The following FOCAD variants were observed in gnomAD, a reference collection of about 807,000 sequenced individuals.
FOCAD encodes the protein KIAA1797.
FOCAD carries 198 observed loss-of-function variants against 225.6 expected under a neutral mutation model. The ratio of observed to expected loss-of-function variants is 0.88; its 90% confidence interval spans 0.78 to 0.99. The LOEUF is 0.99. Among genes scored for constraint, FOCAD ranks in the 50% least tolerant of loss-of-function variants. FOCAD has a pLI of 0.00. For synonymous variants in FOCAD, 897 were observed against 755.0 expected, an observed-to-expected ratio of 1.19 and a Z score of -3.08; for missense variants, 2,713 against 2,123.6, an observed-to-expected ratio of 1.28 and a Z score of -5.46.
At chr9:20,738,403 C>T (rs967101419) in intron 4 of FOCAD, among the ~76,000 whole-genome samples, 1 of 152,210 alleles carries the variant, frequency 6.6e-6, no homozygotes, top group Non-Finnish European at 1.5e-5. Flanking sequence ...AGAATTGACA[C>T]AGTACCAATG....
intron 2 of FOCAD, among the ~76,000 whole-genome samples, chr9:20,673,567 A>G (rs1280087283): frequency 6.6e-6 from 1 of 152,062 alleles, no homozygotes; most frequent in African/African-American, 2.4e-5. Context: ...AGAAATATCT[A>G]TACATTTTTA....
intron 2 of FOCAD, among the ~76,000 whole-genome samples, chr9:20,675,162 G>A (rs1822196285): frequency 6.6e-6 from 1 of 152,172 alleles, no homozygotes; most frequent in Non-Finnish European, 1.5e-5. Flanking sequence ...TTGCTGTAAG[G>A]AAGTCTGGGA....
chr9:20,659,804 G>A (rs1201404802), intron 2 of FOCAD, among the ~76,000 whole-genome samples: 1 of 152,230 alleles, frequency 6.6e-6, no homozygotes, highest in Non-Finnish European at 1.5e-5. Flanking sequence ...GTGAGATGCA[G>A]GTGGGCAGAT....
At chr9:20,987,336 T>C (rs531882655) in intron 40 of FOCAD, among the ~76,000 whole-genome samples, 1 of 152,222 alleles carries the variant, frequency 6.6e-6, no homozygotes, top group South Asian at 2.1e-4. Context: ...GGTGAAACCC[T>C]GTCTCTACTA....
At chr9:20,740,441 C>A in intron 5 of FOCAD, 101 bp downstream of exon 5, 1 of 659,782 alleles carries the variant, frequency 1.5e-6, no homozygotes, top group Non-Finnish European at 2.6e-6. Flanking sequence ...TTTAATTCAG[C>A]AGGATATGCA....
intron 5 of FOCAD, among the ~76,000 whole-genome samples, chr9:20,744,395 T>A (rs996730706): frequency 6.6e-6 from 1 of 152,248 alleles, no homozygotes; most frequent in Non-Finnish European, 1.5e-5. Context: ...TGGACCCTCC[T>A]TTCTAAGCAG....
At chr9:20,974,466 G>A (rs60991162) in intron 35 of FOCAD, among the ~76,000 whole-genome samples, 2 of 93,960 alleles carry the variant, frequency 2.1e-5, no homozygotes, top group Non-Finnish European at 2.1e-5. Context: ...TGCTGTCTCT[G>A]CCCTACTTCC....
chr9:20,695,060 A>AAGTG, intron 1 of FOCAD, among the ~76,000 whole-genome samples: 1 of 152,294 alleles, frequency 6.6e-6, no homozygotes, highest in Admixed American at 6.5e-5. Flanking sequence ...TTGTCCTGTA[A>AAGTG]AGTGTCCCAG....
intron 11 of FOCAD, among the ~76,000 whole-genome samples, chr9:20,795,914 A>G (rs1277452899): frequency 2.0e-5 from 3 of 151,726 alleles, no homozygotes; most frequent in African/African-American, 7.3e-5. Context: ...GCTGTCCCCA[A>G]TAACGCGTCA....
chr9:20,795,577 A>T (rs1167352470), intron 11 of FOCAD, among the ~76,000 whole-genome samples: 1 of 151,916 alleles, frequency 6.6e-6, no homozygotes, highest in Non-Finnish European at 1.5e-5. Context: ...CGAGGTCAGG[A>T]GATTGAGACC....
At chr9:20,935,069 C>A (rs999685250) in intron 28 of FOCAD, among the ~76,000 whole-genome samples, 5 of 152,118 alleles carry the variant, frequency 3.3e-5, no homozygotes, top group Non-Finnish European at 4.4e-5. Context: ...ACATTCAGTG[C>A]AGTTCTCATC....
At chr9:20,869,024 A>T (rs369599174) in intron 18 of FOCAD, among the ~76,000 whole-genome samples, 2 of 152,220 alleles carry the variant, frequency 1.3e-5, no homozygotes, top group African/African-American at 4.8e-5. Context: ...GTTCCCAAAC[A>T]TACAGCCTGG....
Position 20,707,489 on chromosome 9 carries a change from T to C in FOCAD, c.-32-7833T>C, listed in dbSNP as rs79298789. Among the ~76,000 whole-genome samples, 80 of 152,296 alleles carry C rather than the reference T, an allele frequency of 5.3e-4. No homozygotes were observed. In the East Asian group the frequency reaches 0.015, roughly 28 times the overall value. ...TGTAACTTTTTACTCCCCAAGAACTTAACTACCAATAGTCTTATGGATATT... is the reference window on the plus strand; with the variant it reads ...TGTAACTTTTTACTCCCCAAGAACTCAACTACCAATAGTCTTATGGATATT... On this transcript the variant is annotated intron_variant, in intron 1 of 43. Coordinates refer to ENST00000338382, the MANE Select transcript of FOCAD (RefSeq NM_001375567.1).
chr9:20,786,385 TC>T, intron 10 of FOCAD, among the ~76,000 whole-genome samples: 1 of 152,222 alleles, frequency 6.6e-6, no homozygotes, highest in East Asian at 1.9e-4. Flanking sequence ...TTGTGTGTTA[TC>T]TCTTGGTTAT....
Position 20,760,810 on chromosome 9 carries a change from A to T in FOCAD, c.494+2619A>T, listed in dbSNP as rs80054717. 1.9e-3 allele frequency among the ~76,000 whole-genome samples: 293 copies of T among 152,242 alleles called. 4 individuals are homozygous for T. The East Asian group carries it at 0.043, about 22-fold the overall frequency. On this transcript the variant is annotated intron_variant, in intron 6 of 43. Coordinates refer to ENST00000338382, the MANE Select transcript of FOCAD (RefSeq NM_001375567.1). ...CTTGGCACATTTCTAGGTGCTTTAT[A>T]AATGTTGAATTTCTTTAAATGAGGT...
intron 10 of FOCAD, among the ~76,000 whole-genome samples, chr9:20,788,573 C>G (rs935982786): frequency 2.0e-5 from 3 of 152,202 alleles, no homozygotes; most frequent in South Asian, 2.1e-4. Context: ...ATTAACCAGA[C>G]AGTTATAATC....
chr9:20,939,741 TA>T (rs201487782), intron 28 of FOCAD, among the ~76,000 whole-genome samples: 2 of 151,498 alleles, frequency 1.3e-5, no homozygotes, highest in Admixed American at 6.6e-5. Flanking sequence ...AAATTTATTT[TA>T]TTTTTTTTCT....
intron 16 of FOCAD, chr9:20,862,933 T>A (rs1323292931): frequency 5.6e-6 from 2 of 357,526 alleles, no homozygotes; most frequent in Non-Finnish European, 9.9e-6. Flanking sequence ...ATGAGAGTAT[T>A]GTCAAGATTT....
In FOCAD at chr9:20,909,213, T is replaced by C. The variant is rs192933461; in HGVS notation, c.2718+1971T>C. On this transcript the variant is annotated intron_variant, in intron 22 of 43. Coordinates refer to ENST00000338382, the MANE Select transcript of FOCAD (RefSeq NM_001375567.1). ...TAGTGTGTGTCCAGTACTTAACATATATTATTTCAATTAATCTATACAGAA... is the reference window on the plus strand; with the variant it reads ...TAGTGTGTGTCCAGTACTTAACATACATTATTTCAATTAATCTATACAGAA... 1.2e-3 allele frequency among the ~76,000 whole-genome samples: 178 copies of C among 152,214 alleles called. 1 individual carries two copies. The highest frequency in any genetic ancestry group is 4.1e-3 in the African/African-American group (172 of 41,544).
Sources: gnomAD v4.1 joint callset for allele counts (sites outside exome capture counted in the v4.1 genomes callset) on GRCh38, gnomAD v4.1.1 for gene constraint, MANE v1.5 for transcripts, NCBI Gene and HGNC (gene_info 2026-07-23, HGNC 2026-07-21) for gene names.